The following SLC16A10 variants were observed in gnomAD, a reference collection of about 807,000 sequenced individuals.
The protein encoded by SLC16A10 is solute carrier family 16 member 10, also known as monocarboxylate transporter 10.
A neutral mutation model predicts 40.0 loss-of-function variants in SLC16A10; 27 were observed. The ratio of observed to expected loss-of-function variants is 0.67; its 90% CI spans 0.50 to 0.93. The LOEUF (loss-of-function observed/expected upper bound fraction) is 0.93, where lower values mean the gene tolerates loss of function less well. Ranked by LOEUF, SLC16A10 falls within the 40% of genes least tolerant of loss-of-function variation. The pLI is 0.00. For synonymous variants in SLC16A10, 213 were observed against 249.8 expected, an observed-to-expected ratio of 0.85 and a Z score of 1.39; for missense variants, 529 against 658.2, an observed-to-expected ratio of 0.80 and a Z score of 2.15.
chr6:111,165,173 C>T (rs1772449187), intron 1 of SLC16A10, among the ~76,000 whole-genome samples: 1 of 152,122 alleles, frequency 6.6e-6, no homozygotes, highest in Admixed American at 6.5e-5. Flanking sequence ...TTTCTAGGGC[C>T]TAATAAATAG....
At chr6:111,107,064 C>T in intron 1 of SLC16A10, among the ~76,000 whole-genome samples, 1 of 152,046 alleles carries the variant, frequency 6.6e-6, no homozygotes, top group East Asian at 1.9e-4. Context: ...ATATTTTGAA[C>T]TAGTCGACAT....
Position 111,212,068 on chromosome 6 carries a change from GAC to G in SLC16A10, c.1086+5338_1086+5339del, listed in dbSNP as rs549457654. Among the ~76,000 whole-genome samples, 195 of 152,296 alleles carry G rather than the reference GAC, an allele frequency of 1.3e-3. 2 individuals are homozygous for G. Among genetic ancestry groups the G allele is most frequent in the South Asian group, 0.011 (55 of 4,828 alleles). On this transcript the variant is annotated intron_variant, in intron 4 of 5. Coordinates refer to ENST00000368851, the MANE Select transcript of SLC16A10 (RefSeq NM_018593.5). Reference sequence around the variant, plus strand: ...CCAGGCCTAGAACACTGGTGACACAGACACACTTCATAGCCCTCCCGCATGGT... The same window carrying G: ...CCAGGCCTAGAACACTGGTGACACAGACACTTCATAGCCCTCCCGCATGGT...
intron 3 of SLC16A10, chr6:111,193,182 C>G: frequency 4.3e-5 from 20 of 460,978 alleles, no homozygotes; most frequent in South Asian, 9.3e-5. Context: ...ATGATTAAGA[C>G]ACCTTCTCTC....
Position 111,177,548 on chromosome 6 carries a change from G to GT in SLC16A10, c.827dup (p.Ser277GlnfsTer44). 6.2e-7 allele frequency: 1 copy of GT among 1,612,998 alleles called. No homozygotes were observed. Among genetic ancestry groups the GT allele is most frequent in the Non-Finnish European group, 8.5e-7 (1 of 1,179,686 alleles). ...GATCCTCCCTCTTTTCCAGGAAAAA[G>GT]TTCAGTCCTCCAAAAAAAATTTTCA... is the stretch of plus-strand genomic sequence containing the variant. On this transcript the variant is annotated frameshift_variant, in exon 3 of 6. Coordinates refer to ENST00000368851, the MANE Select transcript of SLC16A10 (RefSeq NM_018593.5). LOFTEE classifies it high-confidence loss of function.
At chr6:111,117,895 T>G (rs1409175695) in intron 1 of SLC16A10, among the ~76,000 whole-genome samples, 2 of 152,210 alleles carry the variant, frequency 1.3e-5, no homozygotes, top group Non-Finnish European at 1.5e-5. Flanking sequence ...TCAAATCTAG[T>G]GCACTTTCTG....
intron 1 of SLC16A10, among the ~76,000 whole-genome samples, chr6:111,172,421 T>A: frequency 6.6e-6 from 1 of 152,184 alleles, no homozygotes; most frequent in East Asian, 1.9e-4. Context: ...TCAATTTTTT[T>A]ATTGTGAAAT....
At chr6:111,135,178 C>G (rs1262511072) in intron 1 of SLC16A10, among the ~76,000 whole-genome samples, 2 of 152,154 alleles carry the variant, frequency 1.3e-5, no homozygotes, top group Admixed American at 6.5e-5. Context: ...CATTTGTTGT[C>G]CCCTGCTGGA....
intron 1 of SLC16A10, among the ~76,000 whole-genome samples, chr6:111,168,891 G>A (rs749435465): frequency 1.2e-4 from 18 of 152,112 alleles, no homozygotes; most frequent in Non-Finnish European, 2.1e-4. Flanking sequence ...TGAGAAAACG[G>A]TGCTGTGTCC....
intron 1 of SLC16A10, among the ~76,000 whole-genome samples, chr6:111,151,501 G>A (rs1341120707): frequency 6.6e-6 from 1 of 152,094 alleles, no homozygotes; most frequent in Non-Finnish European, 1.5e-5. Context: ...TCTGATTTCA[G>A]ACAATTGTCA....
intron 1 of SLC16A10, among the ~76,000 whole-genome samples, chr6:111,166,897 A>G (rs1327051337): frequency 1.3e-5 from 2 of 152,222 alleles, no homozygotes; most frequent in East Asian, 1.9e-4. Flanking sequence ...ATTTCTTAAC[A>G]TGGCTTCTTG....
chr6:111,113,260 A>T (rs956591863), intron 1 of SLC16A10, among the ~76,000 whole-genome samples: 12 of 152,164 alleles, frequency 7.9e-5, no homozygotes, highest in African/African-American at 2.9e-4. Flanking sequence ...TAAAGGGGCA[A>T]ACTACACATA....
intron 1 of SLC16A10, among the ~76,000 whole-genome samples, chr6:111,101,002 A>ATATATT (rs1771175412): frequency 1.4e-5 from 2 of 138,132 alleles, no homozygotes; most frequent in African/African-American, 5.6e-5. Context: ...CTATATATAT[A>ATATATT]TATATATATA....
At chr6:111,110,385 T>G (rs1165936846) in intron 1 of SLC16A10, among the ~76,000 whole-genome samples, 5 of 151,174 alleles carry the variant, frequency 3.3e-5, no homozygotes, top group Admixed American at 6.6e-5. Context: ...GCTTGAGAAC[T>G]AACTTAAAGA....
intron 2 of SLC16A10, 58 bp from the exon 3 acceptor site, chr6:111,177,154 A>G: frequency 8.2e-7 from 1 of 1,223,066 alleles, no homozygotes; most frequent in East Asian, 2.5e-5. Flanking sequence ...ATTTTATTCT[A>G]CCAAGCACAC....
chr6:111,190,590 C>A (rs1772973323), intron 3 of SLC16A10, among the ~76,000 whole-genome samples: 1 of 152,228 alleles, frequency 6.6e-6, no homozygotes, highest in South Asian at 2.1e-4. Context: ...TCCATACATC[C>A]TCTGAAATCT....
At chr6:111,102,557 A>C (rs1461587389) in intron 1 of SLC16A10, among the ~76,000 whole-genome samples, 1 of 152,228 alleles carries the variant, frequency 6.6e-6, no homozygotes, top group Non-Finnish European at 1.5e-5. Flanking sequence ...TAGGTAATGA[A>C]GGAATGCTTG....
chr6:111,191,076 T>C (rs923034243), intron 3 of SLC16A10, among the ~76,000 whole-genome samples: 1 of 152,226 alleles, frequency 6.6e-6, no homozygotes, highest in Admixed American at 6.5e-5. Context: ...CGTGCAGGTT[T>C]GTTACATAGG....
chr6:111,133,454 G>C (rs1771821724), intron 1 of SLC16A10, among the ~76,000 whole-genome samples: 1 of 152,188 alleles, frequency 6.6e-6, no homozygotes, highest in Non-Finnish European at 1.5e-5. Flanking sequence ...CAGATGCTAA[G>C]AAAGAAATGA....
chr6:111,218,589 CG>C (rs912266509), intron 4 of SLC16A10, among the ~76,000 whole-genome samples: 6 of 152,044 alleles, frequency 3.9e-5, no homozygotes, highest in South Asian at 2.1e-4. Flanking sequence ...AAAAACAATA[CG>C]TTTTTTTAAT....
Sources: allele counts gnomAD v4.1 joint callset (sites outside exome capture counted in the v4.1 genomes callset), GRCh38; gene constraint gnomAD v4.1.1; transcripts MANE v1.5; gene names NCBI Gene and HGNC (gene_info 2026-07-23, HGNC 2026-07-21).